PLXNA4: variants seen among roughly 807,000 people sequenced by gnomAD.
PLXNA4 encodes plexin A4.
PLXNA4 carries 44 observed loss-of-function variants against 191.8 expected under a neutral mutation model. The ratio of observed to expected loss-of-function variants is 0.23; its 90% CI spans 0.18 to 0.29. PLXNA4 has a LOEUF of 0.29. Among genes scored for constraint, PLXNA4 ranks in the 10% least tolerant of loss-of-function variants. The pLI, the probability that PLXNA4 is intolerant of heterozygous loss-of-function variation, is 1.00. For missense variants in PLXNA4, 1,800 were observed against 2,488.8 expected (o/e 0.72, Z 5.89); for synonymous variants, 1,082 against 1,009.5 (o/e 1.07, Z -1.36).
chr7:132,326,069 T>C (rs1363739787), intron 3 of PLXNA4, among the ~76,000 whole-genome samples: 1 of 152,088 alleles, frequency 6.6e-6, no homozygotes, highest in Non-Finnish European at 1.5e-5. Context: ...GTTTGAGTGG[T>C]TGGAGTAGTG....
intron 3 of PLXNA4, among the ~76,000 whole-genome samples, chr7:132,412,463 G>C (rs1794499251): frequency 6.6e-6 from 1 of 152,200 alleles, no homozygotes; most frequent in African/African-American, 2.4e-5. Context: ...CAAAGACGAA[G>C]GGAGCAGGAA....
chr7:132,144,814 C>T (rs867091445), intron 29 of PLXNA4, among the ~76,000 whole-genome samples: 9 of 152,208 alleles, frequency 5.9e-5, no homozygotes, highest in African/African-American at 7.2e-5. Flanking sequence ...GTGTCCTGGC[C>T]GTGACATTTG....
chr7:132,179,163 A>ACC, intron 20 of PLXNA4, among the ~76,000 whole-genome samples: 1 of 129,436 alleles, frequency 7.7e-6, no homozygotes, highest in Non-Finnish European at 1.5e-5. Context: ...ACACACACAC[A>ACC]CAGCCTCCAG....
intron 6 of PLXNA4, 80 bp from the exon 7 acceptor site, chr7:132,227,684 GGA>G: frequency 6.4e-7 from 1 of 1,565,786 alleles, no homozygotes; most frequent in Non-Finnish European, 8.7e-7. Context: ...AAAGAAAGTG[GGA>G]GAGTGAGAGA....
chr7:132,376,934 T>C (rs1203045878), intron 3 of PLXNA4, among the ~76,000 whole-genome samples: 2 of 152,226 alleles, frequency 1.3e-5, no homozygotes, highest in African/African-American at 4.8e-5. Context: ...ATCCCACCTA[T>C]GGCAATGTTT....
At chr7:132,484,077 G>T (rs1447180805) in intron 3 of PLXNA4, among the ~76,000 whole-genome samples, 2 of 152,206 alleles carry the variant, frequency 1.3e-5, no homozygotes, top group Admixed American at 6.5e-5. Context: ...ACATCAAAAG[G>T]GTGATTGAGT....
intron 3 of PLXNA4, among the ~76,000 whole-genome samples, chr7:132,457,651 G>A (rs189945601): frequency 1.7e-3 from 262 of 152,314 alleles, no homozygotes; most frequent in Admixed American, 4.8e-3. Context: ...ATTGAGTTGA[G>A]GACCTTGAGA....
intron 2 of PLXNA4, among the ~76,000 whole-genome samples, chr7:132,600,614 C>A (rs1156356732): frequency 1.3e-5 from 2 of 152,180 alleles, no homozygotes; most frequent in Non-Finnish European, 2.9e-5. Flanking sequence ...ATCCCTGGAT[C>A]CCCTGGCCTC....
At chr7:132,385,925 G>A (rs967833785) in intron 3 of PLXNA4, among the ~76,000 whole-genome samples, 2 of 152,212 alleles carry the variant, frequency 1.3e-5, no homozygotes, top group Admixed American at 1.3e-4. Context: ...CATCGTTTTT[G>A]AACGCTGAAG....
At chr7:132,521,665 T>A (rs1433961137) in intron 1 of PLXNA4, among the ~76,000 whole-genome samples, 1 of 152,206 alleles carries the variant, frequency 6.6e-6, no homozygotes, top group Non-Finnish European at 1.5e-5. Context: ...CAGCAACACC[T>A]GGGCAAGGAA....
chr7:132,489,613 C>A, intron 2 of PLXNA4, 139 bp from the exon 3 acceptor site: 2 of 831,782 alleles, frequency 2.4e-6, no homozygotes, highest in Non-Finnish European at 1.8e-6. Flanking sequence ...ACATGAAAAA[C>A]GTCACTCCAG....
intron 3 of PLXNA4, among the ~76,000 whole-genome samples, chr7:132,348,700 TG>T (rs1036989673): frequency 3.3e-5 from 5 of 152,094 alleles, no homozygotes; most frequent in East Asian, 1.9e-4. Context: ...GAAATTAGGG[TG>T]GGGGCAACCC....
chr7:132,628,159 C>T (rs1268001023), intron 2 of PLXNA4, among the ~76,000 whole-genome samples: 4 of 152,158 alleles, frequency 2.6e-5, no homozygotes, highest in Non-Finnish European at 5.9e-5. Context: ...ATCTGCCTTC[C>T]TAAAAATTTA....
intron 1 of PLXNA4, among the ~76,000 whole-genome samples, chr7:132,515,673 C>T (rs1798910270): frequency 6.6e-6 from 1 of 152,220 alleles, no homozygotes; most frequent in Non-Finnish European, 1.5e-5. Context: ...AAACACAACA[C>T]TTCCCTATCT....
intron 1 of PLXNA4, among the ~76,000 whole-genome samples, chr7:132,559,212 G>A (rs1423079195): frequency 6.6e-6 from 1 of 152,164 alleles, no homozygotes. Flanking sequence ...TTGATAAAAT[G>A]TACAAGGGCT....
chr7:132,238,927 AC>A (rs1468745654), intron 5 of PLXNA4, among the ~76,000 whole-genome samples: 1 of 152,104 alleles, frequency 6.6e-6, no homozygotes, highest in Non-Finnish European at 1.5e-5. Context: ...TGGTCCTCAT[AC>A]CATCTCATTT....
At chr7:132,274,048 C>A (rs1800179476) in intron 4 of PLXNA4, among the ~76,000 whole-genome samples, 1 of 151,348 alleles carries the variant, frequency 6.6e-6, no homozygotes, top group South Asian at 2.1e-4. Flanking sequence ...TTAAAAGCAC[C>A]GTGTTGAGTG....
chr7:132,509,938 G>A (rs1798641948), intron 1 of PLXNA4, among the ~76,000 whole-genome samples: 1 of 152,208 alleles, frequency 6.6e-6, no homozygotes, highest in Non-Finnish European at 1.5e-5. Flanking sequence ...TCCCCTAGCA[G>A]GGCCTCCTCT....
intron 1 of PLXNA4, among the ~76,000 whole-genome samples, chr7:132,557,247 T>C (rs1800840013): frequency 6.6e-6 from 1 of 152,174 alleles, no homozygotes; most frequent in African/African-American, 2.4e-5. Context: ...TGAGAAGCAA[T>C]GAGCTCTCCA....
Sources: allele counts gnomAD v4.1 joint callset (sites outside exome capture counted in the v4.1 genomes callset), GRCh38; gene constraint gnomAD v4.1.1; transcripts MANE v1.5; gene names NCBI Gene and HGNC (gene_info 2026-07-23, HGNC 2026-07-21).